EXOC3L1: variants seen among roughly 807,000 people sequenced by gnomAD.
The protein encoded by EXOC3L1 is exocyst complex component 3 like 1, also known as exocyst complex component 3-like protein.
In EXOC3L1, 79 loss-of-function variants were observed where a neutral mutation model predicts 83.6. The observed-to-expected ratio is 0.95, with a 90% CI of 0.79 to 1.14. EXOC3L1 has a LOEUF of 1.14. Ranked by LOEUF, EXOC3L1 falls within the 50% of genes most tolerant of loss-of-function variation. The pLI is 0.00. For synonymous variants in EXOC3L1, 433 were observed against 451.2 expected, an observed-to-expected ratio of 0.96 and a Z score of 0.51; for missense variants, 945 against 972.0, an observed-to-expected ratio of 0.97 and a Z score of 0.37.
Position 67,184,639 on chromosome 16 carries a change from C to T in EXOC3L1, c.2031-35G>A, listed in dbSNP as rs755574450. 9 of 1,582,030 alleles carry T rather than the reference C, an allele frequency of 5.7e-6. No individual in the cohort carries two copies. In the South Asian group the frequency reaches 7.8e-5, roughly 14 times the overall value. On this transcript the variant is annotated intron_variant, in intron 13 of 13. Coordinates refer to ENST00000314586, the MANE Select transcript of EXOC3L1 (RefSeq NM_178516.4). ...CACCAAGGAGGCGCGTCAGCCCCGT[C>T]CTCCCCGCCCTCCGGCTTCTCTTCC...
rs1363625599 is a variant in EXOC3L1, at chr16:67,189,965, A to G, written c.-8+6T>C. 2.2e-6 allele frequency: 1 copy of G among 449,334 alleles called. No individual in the cohort carries two copies. The highest frequency in any genetic ancestry group is 2.0e-5 in the African/African-American group (1 of 50,284). The allele number at this position is 449,334 out of a possible 1,614,324, so 27.8% of individuals were successfully genotyped here. A position where few individuals can be genotyped will look rare whatever the true frequency, so the allele number is the denominator to read the frequency against. ...GCTGCACAGGACAGTTTGGTACAGA[A>G]CTTACCAGATTTGATCAGGCGTCCA... On this transcript the variant is annotated splice_donor_region_variant and intron_variant, in intron 1 of 13. Coordinates refer to ENST00000314586, the MANE Select transcript of EXOC3L1 (RefSeq NM_178516.4).
chr16:67,187,928 G>A lies in EXOC3L1; in HGVS notation c.428-91C>T, dbSNP rs562777570. On this transcript the variant is annotated intron_variant, in intron 4 of 13. Transcript: ENST00000314586. ...GGGGATACTGAGGCCCAGGGCGGGG[G>A]TGATGCATAAAATATTTAACAACCA... 1.2e-3 allele frequency: 1,759 copies of A among 1,460,624 alleles called. 19 individuals are homozygous for A. In the African/African-American group the frequency reaches 0.022, roughly 18 times the overall value. The allele number at this position is 1,460,624 out of a possible 1,614,324, so 90.5% of individuals were successfully genotyped here.
rs1309158293 is a variant in EXOC3L1 at position 67,185,483 on chromosome 16, C to G, written c.1504G>C (p.Val502Leu). 6.2e-7 allele frequency: 1 copy of G among 1,607,492 alleles called. No homozygotes were observed. Among genetic ancestry groups the G allele is most frequent in the South Asian group, 1.1e-5 (1 of 91,082 alleles). Residue 502 changes from valine to leucine, a missense_variant, in exon 10 of 14, where the codon GTG becomes CTG. Val to Leu is a conservative substitution (Grantham distance 32). Transcript: ENST00000314586. Reference protein sequence around the residue: ...LNHKSALSSSVSVLQLDGAPS... With the variant: ...LNHKSALSSSLSVLQLDGAPS... ...GCCCCGTCCAGCTGCAGGACAGACA[C>G]TGAGGAGCTGGACCAAGCAAAACTA...
At position 67,186,262 on chromosome 16, in the gene EXOC3L1, C is replaced by T. The variant is rs747130700; in HGVS notation, c.1471G>A (p.Ala491Thr). Residue 491 changes from alanine (A) to threonine (T), a missense_variant, in exon 9 of 14, where the codon GCC (alanine) becomes ACC (threonine). Transcript: ENST00000314586. Reference sequence around the variant, plus strand: ...CTGAGTGCTGACTTGTGGTTGAGGGCGGCCAGTAGGTAGGGCACGTAATGA... The same window carrying T: ...CTGAGTGCTGACTTGTGGTTGAGGGTGGCCAGTAGGTAGGGCACGTAATGA... ...APHYVPYLLA[A>T]LNHKSALSSS... The T allele has an allele frequency of 1.5e-5, 24 of 1,576,356 alleles. No individual in the cohort carries two copies. Among genetic ancestry groups the T allele is most frequent in the East Asian group, 2.3e-5 (1 of 42,822 alleles).
Position 67,187,725 on chromosome 16 carries a change from C to G in EXOC3L1, c.540G>C (p.Leu180=), listed in dbSNP as rs1006068468. The part of the protein sequence containing the change: ...EQLREDTWAP[L]GGLELPVFQG... ...GGAAGACTGGCAACTCCAGGCCCCC[C>G]AGGGGTGCCCACGTATCCTCTCGCA... The change falls in exon 5 of 14, where the codon CTG becomes CTC. Residue 180 remains leucine (L), a synonymous_variant. Transcript: ENST00000314586. 4 of 1,613,074 alleles carry G rather than the reference C, an allele frequency of 2.5e-6. No homozygotes were observed. Among genetic ancestry groups the G allele is most frequent in the African/African-American group, 1.3e-5 (1 of 75,060 alleles).
chr16:67,187,642 G>A lies in EXOC3L1; in HGVS notation c.623C>T (p.Ala208Val), dbSNP rs200004721. ...GTCCTCCCGTGCCAGCTTCCCTGCG[G>A]CCCCTGCAGCTGCTTCCACAGCCTG... is the stretch of plus-strand genomic sequence containing the variant. ...LGQAVEAAAG[A>V]AGKLAREDPA... is the part of the protein sequence containing the mutation. Residue 208 changes from alanine to valine, a missense_variant, in exon 5 of 14, where the codon GCC becomes GTC. Physicochemically the swap from Ala to Val is moderately conservative, Grantham distance 64 (BLOSUM62 0). Coordinates refer to ENST00000314586, the MANE Select transcript of EXOC3L1 (RefSeq NM_178516.4). 300 of 1,609,952 alleles carry A rather than the reference G, an allele frequency of 1.9e-4. 4 individuals are homozygous for A. In the Admixed American group the frequency reaches 5.0e-3, roughly 27 times the overall value.
rs199674088 is a variant in EXOC3L1, at chr16:67,189,111, C to T, written c.116G>A (p.Gly39Asp). ...ARGAALKWAS[G>D]IFYRPEQLAR... is the part of the protein sequence containing the mutation. ...CAGCTGCTCCGGCCGGTAGAAGATG[C>T]CTGAGGCCCACTTGAGCGCTGCACC... Residue 39 changes from glycine to aspartate, a missense_variant, in exon 3 of 14, where the codon GGC becomes GAC. Transcript: ENST00000314586. 3 of 1,608,274 alleles carry T rather than the reference C, an allele frequency of 1.9e-6. No individual in the cohort carries two copies. Among genetic ancestry groups the T allele is most frequent in the Admixed American group, 1.7e-5 (1 of 59,818 alleles).
intron 1 of EXOC3L1, 69 bp from the exon 2 acceptor site, chr16:67,189,752 C>G: frequency 6.7e-6 from 10 of 1,492,512 alleles, no homozygotes; most frequent in Non-Finnish European, 8.3e-6. Flanking sequence ...GAGCTGCTGC[C>G]TCTGTCTAAG....
In EXOC3L1 at chr16:67,187,084, CA is replaced by C. The variant is rs1156267219; in HGVS notation, c.1094del (p.Leu365ArgfsTer5). 6.2e-7 allele frequency: 1 copy of C among 1,613,552 alleles called. No homozygotes were observed. Among genetic ancestry groups the C allele is most frequent in the African/African-American group, 1.3e-5 (1 of 74,920 alleles). Reference sequence around the variant, plus strand: ...TGTTCTCCAAGGTCAGAAGGGGCTCCAGCTGGGACACATCAGCCTCAGGCCC... The same window carrying C: ...TGTTCTCCAAGGTCAGAAGGGGCTCCGCTGGGACACATCAGCCTCAGGCCC... Reference protein sequence around the residue: ...ELGPEADVSQLEPLLTLENIE... With the variant: ...ELGPEADVSQXEPLLTLENIE... On this transcript the variant is annotated frameshift_variant, in exon 6 of 14. Coordinates refer to ENST00000314586, the MANE Select transcript of EXOC3L1 (RefSeq NM_178516.4). LOFTEE classifies it high-confidence loss of function.
intron 9 of EXOC3L1, 75 bp from the exon 10 acceptor site, chr16:67,185,565 C>CA: frequency 7.1e-7 from 1 of 1,406,554 alleles, no homozygotes; most frequent in South Asian, 1.2e-5. Context: ...GACCCTCCGG[C>CA]GCCACCTTGT....
At position 67,189,700 on chromosome 16, in the gene EXOC3L1, T is replaced by C. The variant is rs747425328; in HGVS notation, c.-7-17A>G. The C allele has an allele frequency of 2.7e-5, 43 of 1,613,596 alleles. No individual in the cohort carries two copies. The highest frequency in any genetic ancestry group is 3.6e-5 in the Non-Finnish European group (42 of 1,179,860). ...ATTGTGGGCCTGGAGGAGCCAGAGCTGAGGTGGGCCCGGGGCAAGCAGGCA... is the reference window on the plus strand; with the variant it reads ...ATTGTGGGCCTGGAGGAGCCAGAGCCGAGGTGGGCCCGGGGCAAGCAGGCA... On this transcript the variant is annotated splice_polypyrimidine_tract_variant and intron_variant, in intron 1 of 13. Coordinates refer to ENST00000314586, the MANE Select transcript of EXOC3L1 (RefSeq NM_178516.4).
chr16:67,188,779 C>T lies in EXOC3L1; in HGVS notation c.369G>A (p.Arg123=), dbSNP rs1160487239. The part of the protein sequence containing the change: ...ALQTLEPLRE[R]VAQHKQLQAL... ...CCTGCAGTTGCTTGTGCTGGGCAAC[C>T]CGCTCCCGTAGGGGCTCTAGAGTCT... Residue 123 remains arginine (R), a synonymous_variant, in exon 4 of 14, where the codon CGG becomes CGA. Coordinates refer to ENST00000314586, the MANE Select transcript of EXOC3L1 (RefSeq NM_178516.4). 1 of 1,613,066 alleles carries T rather than the reference C, an allele frequency of 6.2e-7. No homozygotes were observed. Among genetic ancestry groups the T allele is most frequent in the African/African-American group, 1.3e-5 (1 of 74,940 alleles).
At position 67,184,473 on chromosome 16, in the gene EXOC3L1, A is replaced by C. The variant is rs1186856472; in HGVS notation, c.2162T>G (p.Leu721Arg). 1.3e-6 allele frequency: 2 copies of C among 1,528,798 alleles called. No individual in the cohort carries two copies. The highest frequency in any genetic ancestry group is 1.7e-6 in the Non-Finnish European group (2 of 1,144,088). 94.7% of individuals were successfully genotyped at this position (1,528,798 alleles called of 1,614,324 possible). ...CGGCGCGAGCGCGGGCGCGGGCACT[A>C]GGCTGAAGAGGACGCGGCGGCTCGC... is the stretch of plus-strand genomic sequence containing the variant. ...PRASRRVLFS[L>R]VPAPALAPAS... The change falls in exon 14 of 14, where the codon CTA (leucine) becomes CGA (arginine). Residue 721 changes from leucine (L) to arginine (R), a missense_variant. Physicochemically the swap from Leu to Arg is moderately radical, Grantham distance 102. Transcript: ENST00000314586.
intron 4 of EXOC3L1, 84 bp downstream of exon 4, chr16:67,188,637 T>C: frequency 7.5e-7 from 1 of 1,334,550 alleles, no homozygotes; most frequent in Non-Finnish European, 1.0e-6. Context: ...CAGTTCCCCA[T>C]CTAGTGCCCC....
rs962266949 is a variant in EXOC3L1 at position 67,187,955 on chromosome 16, T to A, written c.428-118A>T. The A allele has an allele frequency of 3.2e-5, 44 of 1,355,660 alleles. No homozygotes were observed. The African/African-American group carries it at 6.3e-4, about 19-fold the overall frequency. 84.0% of individuals were successfully genotyped at this position (1,355,660 alleles called of 1,614,324 possible). ...GATGCATAAAATATTTAACAACCAG[T>A]AGAGTAAGCTGGGCACAGTGGCTCA... On this transcript the variant is annotated intron_variant, in intron 4 of 13. Coordinates refer to ENST00000314586, the MANE Select transcript of EXOC3L1 (RefSeq NM_178516.4).
At chr16:67,187,866 G>A (rs2032773614) in intron 4 of EXOC3L1, 29 bp from the exon 5 acceptor site, 1 of 1,544,676 alleles carries the variant, frequency 6.5e-7, no homozygotes, top group Non-Finnish European at 8.7e-7. Context: ...AGACGGCCCT[G>A]GGTCTCAGCC....
chr16:67,184,769 G>T lies in EXOC3L1; in HGVS notation c.1947C>A (p.Ala649=). 6.3e-7 allele frequency: 1 copy of T among 1,597,802 alleles called. No individual in the cohort carries two copies. Among genetic ancestry groups the T allele is most frequent in the Non-Finnish European group, 8.5e-7 (1 of 1,177,126 alleles). Residue 649 remains alanine, a synonymous_variant, in exon 13 of 14, where the codon GCC becomes GCA. Transcript: ENST00000314586. ...CGCGGAGGTTTAGCAGCTCCCTCAG[G>T]GCGAGCAGCACCGGCGCGCAGTGCG... ...ENAHCAPVLL[A]LRELLNLRDP...
intron 4 of EXOC3L1, among the ~76,000 whole-genome samples, 180 bp downstream of exon 4, chr16:67,188,541 C>T (rs1233955728): frequency 6.6e-6 from 1 of 152,232 alleles, no homozygotes; most frequent in Non-Finnish European, 1.5e-5. Context: ...AAGCATCCCA[C>T]ACGTGGGAAT....
rs2032633942 is a variant in EXOC3L1, at chr16:67,184,731, A to C, written c.1985T>G (p.Leu662Arg). 4 of 1,585,436 alleles carry C rather than the reference A, an allele frequency of 2.5e-6. No individual in the cohort carries two copies. The highest frequency in any genetic ancestry group is 3.4e-6 in the Non-Finnish European group (4 of 1,169,870). Residue 662 changes from leucine (L) to arginine (R), a missense_variant, in exon 13 of 14, where the codon CTG becomes CGG. Transcript: ENST00000314586. ...ELLNLRDPAL[L>R]GLEVAGLRQQ... ...CCGCAGGCCAGCCACCTCCAGGCCC[A>C]GCAGCGCGGGGTCGCGGAGGTTTAG...
Sources: allele counts gnomAD v4.1 joint callset (sites outside exome capture counted in the v4.1 genomes callset), GRCh38; gene constraint gnomAD v4.1.1; transcripts MANE v1.5; gene names NCBI Gene and HGNC (gene_info 2026-07-23, HGNC 2026-07-21).